C2CD5: variants seen among roughly 807,000 people sequenced by gnomAD.
The protein encoded by C2CD5 is C2 domain-containing protein 5.
C2CD5 carries 109 observed loss-of-function variants against 130.3 expected under a neutral mutation model. The ratio of observed to expected loss-of-function variants is 0.84; its 90% confidence interval spans 0.72 to 0.98. The LOEUF is 0.98. C2CD5 is among the 50% of genes least tolerant of loss of function. The pLI is 0.00. For synonymous variants in C2CD5, 454 were observed against 429.2 expected (o/e 1.06, Z -0.71); for missense variants, 996 against 1,261.8 (o/e 0.79, Z 3.19).
rs570715962 is a variant in C2CD5, at chr12:22,507,657, A to G, written c.1039-838T>C. ...CTGTGAAAACATGGAGGCCCCTCACATTACACAAATTGGATGCAAGTAAGG... is the reference window on the plus strand; with the variant it reads ...CTGTGAAAACATGGAGGCCCCTCACGTTACACAAATTGGATGCAAGTAAGG... On this transcript the variant is annotated intron_variant, in intron 9 of 26. Coordinates refer to ENST00000446597, the MANE Select transcript of C2CD5 (RefSeq NM_001286176.2). 4.6e-5 allele frequency among the ~76,000 whole-genome samples: 7 copies of G among 152,334 alleles called. No homozygotes were observed. In the South Asian group the frequency reaches 1.2e-3, roughly 27 times the overall value.
At chr12:22,461,722 G>C (rs532723115) in intron 22 of C2CD5, among the ~76,000 whole-genome samples, 1 of 151,954 alleles carries the variant, frequency 6.6e-6, no homozygotes, top group South Asian at 2.1e-4. Context: ...CTTTTACCCA[G>C]TAAAATTTAT....
rs78084139 is a variant in C2CD5 at position 22,523,692 on chromosome 12, G to A, written c.602-68C>T. The stretch of plus-strand genomic sequence containing the variant: ...ATTACATACTATAAGACTGGACATG[G>A]TAGTGGTAAAAAAAAAAAAAAAGAC... On this transcript the variant is annotated intron_variant, in intron 6 of 26. Coordinates refer to ENST00000446597, the MANE Select transcript of C2CD5 (RefSeq NM_001286176.2). 7.7e-3 allele frequency: 8,452 copies of A among 1,098,060 alleles called. 538 individuals are homozygous for A. In the African/African-American group the frequency reaches 0.12, roughly 16 times the overall value. The allele number at this position is 1,098,060 out of a possible 1,614,324, so 68.0% of individuals were successfully genotyped here. A position where few individuals can be genotyped will look rare whatever the true frequency, so the allele number is the denominator to read the frequency against.
intron 15 of C2CD5, among the ~76,000 whole-genome samples, chr12:22,475,339 T>C (rs1015625419): frequency 7.9e-5 from 12 of 152,228 alleles, no homozygotes; most frequent in Admixed American, 2.0e-4. Flanking sequence ...TAGCAAAATG[T>C]GAAATATGAT....
chr12:22,544,389 G>T lies in C2CD5; in HGVS notation c.-99C>A. 1 of 414,000 alleles carries T rather than the reference G, an allele frequency of 2.4e-6. No homozygotes were observed. Among genetic ancestry groups the T allele is most frequent in the Non-Finnish European group, 4.3e-6 (1 of 233,574 alleles). The allele number at this position is 414,000 out of a possible 1,614,324, so 25.6% of individuals were successfully genotyped here. On this transcript the variant is annotated 5_prime_UTR_variant, in exon 1 of 27. Transcript: ENST00000446597. ...CATTCCGGAGAGGCGGCGGGAGGAA[G>T]GGCTTTGATGGGTTCTTCCGTCCCG...
intron 16 of C2CD5, among the ~76,000 whole-genome samples, chr12:22,473,805 C>A (rs536723595): frequency 6.6e-6 from 1 of 152,296 alleles, no homozygotes; most frequent in African/African-American, 2.4e-5. Context: ...GTAGGCACAT[C>A]ACACTTTGAG....
intron 9 of C2CD5, among the ~76,000 whole-genome samples, chr12:22,510,714 A>G (rs747703798): frequency 2.6e-5 from 4 of 152,248 alleles, no homozygotes; most frequent in Non-Finnish European, 5.9e-5. Context: ...TTTTAAAAGG[A>G]AAGTTCTATG....
At chr12:22,537,444 G>A (rs892254310) in intron 2 of C2CD5, among the ~76,000 whole-genome samples, 23 of 152,142 alleles carry the variant, frequency 1.5e-4, no homozygotes, top group African/African-American at 4.6e-4. Flanking sequence ...AGGCTGGAGT[G>A]TGTATTTTGC....
intron 22 of C2CD5, among the ~76,000 whole-genome samples, chr12:22,460,126 A>T (rs1940812685): frequency 6.6e-6 from 1 of 152,228 alleles, no homozygotes; most frequent in Non-Finnish European, 1.5e-5. Context: ...GGTAACCAGG[A>T]ATCCCAAGCC....
intron 9 of C2CD5, chr12:22,512,750 T>C (rs1949328170): frequency 2.0e-5 from 22 of 1,101,060 alleles, no homozygotes; most frequent in Non-Finnish European, 2.7e-5. Flanking sequence ...TAACTGCTTA[T>C]TTTCCCAATG....
chr12:22,518,751 G>T (rs1950001322), intron 7 of C2CD5, among the ~76,000 whole-genome samples: 1 of 152,192 alleles, frequency 6.6e-6, no homozygotes, highest in Non-Finnish European at 1.5e-5. Flanking sequence ...CAAATTGGAA[G>T]CTTTGGCAGC....
In C2CD5 at chr12:22,517,969, G is replaced by A. The variant is rs1306140549; in HGVS notation, c.952+17C>T. 3.8e-6 allele frequency: 6 copies of A among 1,579,724 alleles called. No individual in the cohort carries two copies. The highest frequency in any genetic ancestry group is 5.2e-6 in the Non-Finnish European group (6 of 1,163,708). The stretch of plus-strand genomic sequence containing the variant: ...TTTTAAAAAAGAAAAAATAAAAGGT[G>A]GGTGGAAGCGCCTTACCAGTTTTGG... On this transcript the variant is annotated intron_variant, in intron 8 of 26. Transcript: ENST00000446597.
chr12:22,520,944 T>C (rs1950216154), intron 7 of C2CD5, among the ~76,000 whole-genome samples: 1 of 152,118 alleles, frequency 6.6e-6, no homozygotes. Context: ...AAATTAAAAT[T>C]CAAATACACT....
Position 22,527,874 on chromosome 12 carries a change from G to T in C2CD5, c.196C>A (p.Gln66Lys). The change falls in exon 4 of 27, where the codon CAA (glutamine) becomes AAA (lysine). Residue 66 changes from glutamine (Q) to lysine (K), a missense_variant. Coordinates refer to ENST00000446597, the MANE Select transcript of C2CD5 (RefSeq NM_001286176.2). ...FKFEVDDEDLQDEPLQITVLD... is the reference protein window; with the variant it reads ...FKFEVDDEDLKDEPLQITVLD... ...ACTGTGATCTGTAAAGGTTCATCTT[G>T]TAAGTCTTCATCATCCACCTACAAG... The T allele has an allele frequency of 6.2e-7, 1 of 1,604,470 alleles. No individual in the cohort carries two copies. Among genetic ancestry groups the T allele is most frequent in the East Asian group, 2.2e-5 (1 of 44,482 alleles).
chr12:22,497,278 G>C (rs1366232826), intron 10 of C2CD5, among the ~76,000 whole-genome samples: 1 of 152,008 alleles, frequency 6.6e-6, no homozygotes, highest in African/African-American at 2.4e-5. Context: ...TGTCAAAACA[G>C]CTACCCGAGA....
intron 10 of C2CD5, among the ~76,000 whole-genome samples, chr12:22,505,408 C>T (rs1192639291): frequency 6.6e-6 from 1 of 151,988 alleles, no homozygotes; most frequent in African/African-American, 2.4e-5. Context: ...AGGTGCCTGC[C>T]ACCACGCTCA....
chr12:22,496,854 G>A (rs977725410), intron 10 of C2CD5, among the ~76,000 whole-genome samples: 1 of 151,820 alleles, frequency 6.6e-6, no homozygotes, highest in African/African-American at 2.4e-5. Context: ...CTCTTTTAGG[G>A]GTAATGTCAG....
rs369931213 is a variant in C2CD5, at chr12:22,471,493, A to G, written c.2269-5T>C. Reference sequence around the variant, plus strand: ...TCGTAGTTTAAAGTACAGGCTCTACACAATAGAAAATATTAGTAATGTCAC... The same window carrying G: ...TCGTAGTTTAAAGTACAGGCTCTACGCAATAGAAAATATTAGTAATGTCAC... On this transcript the variant is annotated splice_polypyrimidine_tract_variant and splice_region_variant and intron_variant, in intron 19 of 26. Transcript: ENST00000446597. 1.3e-5 allele frequency: 20 copies of G among 1,510,392 alleles called. No individual in the cohort carries two copies. In the African/African-American group the frequency reaches 2.4e-4, roughly 18 times the overall value. 93.6% of individuals were successfully genotyped at this position (1,510,392 alleles called of 1,614,324 possible). A position where few individuals can be genotyped will look rare whatever the true frequency, so the allele number is the denominator to read the frequency against.
At chr12:22,484,397 G>A (rs937383460) in intron 13 of C2CD5, 18 of 249,438 alleles carry the variant, frequency 7.2e-5, no homozygotes, top group Admixed American at 5.4e-5. Context: ...CATATTGAAT[G>A]TAATTGAAGC....
intron 9 of C2CD5, 129 bp downstream of exon 9, chr12:22,513,165 G>T: frequency 1.8e-6 from 1 of 566,880 alleles, no homozygotes; most frequent in South Asian, 3.0e-5. Context: ...AATCCATTTT[G>T]GACTTCAAAA....
Sources: gnomAD v4.1 joint callset for allele counts (sites outside exome capture counted in the v4.1 genomes callset) on GRCh38, gnomAD v4.1.1 for gene constraint, MANE v1.5 for transcripts, NCBI Gene and HGNC (gene_info 2026-07-23, HGNC 2026-07-21) for gene names.